Variants in DOCK9 observed in about 807,000 individuals in gnomAD.
DOCK9 encodes the protein dedicator of cytokinesis 9.
A neutral mutation model predicts 263.3 loss-of-function variants in DOCK9; 89 were observed. That is an observed-to-expected ratio of 0.34 (90% CI 0.28 to 0.40). The LOEUF (loss-of-function observed/expected upper bound fraction) is 0.40, where lower values mean the gene tolerates loss of function less well. Ranked by LOEUF, DOCK9 falls within the 10% of genes least tolerant of loss-of-function variation. The pLI is 1.00. For missense variants in DOCK9, 2,140 were observed against 2,603.4 expected (o/e 0.82, Z 3.87); for synonymous variants, 976 against 973.1 (o/e 1.00, Z -0.06).
upstream of DOCK9, among the ~76,000 whole-genome samples, chr13:98,982,748 C>CAATTTTATTTTCAATTG (rs1877504481): frequency 6.6e-6 from 1 of 152,168 alleles, no homozygotes; most frequent in African/African-American, 2.4e-5. Flanking sequence ...CTTTCAATTG[C>CAATTTTATTTTCAATTG]TTGAAAATAA....
chr13:98,881,895 G>C lies in DOCK9; in HGVS notation c.2672C>G (p.Thr891Ser). 6.4e-7 allele frequency: 1 copy of C among 1,569,544 alleles called. No homozygotes were observed. Among genetic ancestry groups the C allele is most frequent in the Non-Finnish European group, 8.6e-7 (1 of 1,156,440 alleles). ...ATQEEVAVNV[T>S]RVIIHVVAQC... ...AGCATCCATCCACCTCCCTTACCGA[G>C]TCACGTTAACCGCGACTTCTTCCTG... is the stretch of plus-strand genomic sequence containing the variant. The change falls in exon 24 of 53, where the codon ACT becomes AGT. Residue 891 changes from threonine to serine, a missense_variant. Thr to Ser is a moderately conservative substitution (Grantham distance 58). This residue lies in a region of DOCK9 where 1,521 missense variants were observed against 1,741.7 expected (regional missense o/e 0.87). Coordinates refer to ENST00000682017, the MANE Select transcript of DOCK9 (RefSeq NM_001366683.2).
intron 41 of DOCK9, among the ~76,000 whole-genome samples, 197 bp downstream of exon 41, chr13:98,831,151 C>G (rs1234223538): frequency 6.6e-6 from 1 of 152,214 alleles, no homozygotes; most frequent in Non-Finnish European, 1.5e-5. Context: ...AATTTACCAA[C>G]AGAAACGCAT....
intron 1 of DOCK9, among the ~76,000 whole-genome samples, chr13:99,057,566 A>G (rs1274555290): frequency 6.6e-6 from 1 of 152,250 alleles, no homozygotes; most frequent in African/African-American, 2.4e-5. Flanking sequence ...CCCAAATAAA[A>G]GAATAATATT....
At chr13:99,021,418 T>C (rs981941386) in intron 1 of DOCK9, among the ~76,000 whole-genome samples, 1 of 152,134 alleles carries the variant, frequency 6.6e-6, no homozygotes, top group Non-Finnish European at 1.5e-5. Context: ...GGCGGATGGA[T>C]CACGAGGTCA....
At position 98,829,558 on chromosome 13, in the gene DOCK9, T is replaced by C. The variant is rs771445903; in HGVS notation, c.4750-36A>G. 1.7e-5 allele frequency: 27 copies of C among 1,593,556 alleles called. No individual in the cohort carries two copies. The highest frequency in any genetic ancestry group is 2.1e-5 in the Non-Finnish European group (25 of 1,168,526). On this transcript the variant is annotated intron_variant, in intron 42 of 52. Transcript: ENST00000682017. This position sits in a 1 kb window ranked among gnomAD's most constrained non-coding sequence, Gnocchi z 4.1. ...GGTGGAAGAGGAAAGGACACATGGC[T>C]TCCTCTGTTTGCTGCCTGTCCACAA...
At chr13:99,017,510 TGAGATACAAAA>T (rs1885570035) in intron 1 of DOCK9, among the ~76,000 whole-genome samples, 1 of 152,194 alleles carries the variant, frequency 6.6e-6, no homozygotes, top group African/African-American at 2.4e-5. Flanking sequence ...GAATATTATT[TGAGATACAAAA>T]GATTACGTTT....
chr13:98,961,244 C>G (rs2058606211), intron 1 of DOCK9, among the ~76,000 whole-genome samples: 1 of 152,126 alleles, frequency 6.6e-6, no homozygotes, highest in Non-Finnish European at 1.5e-5. Context: ...AACTCCCTAC[C>G]AACAACAGAG....
At chr13:99,021,208 G>A (rs996543852) in intron 1 of DOCK9, among the ~76,000 whole-genome samples, 1 of 152,072 alleles carries the variant, frequency 6.6e-6, no homozygotes, top group Non-Finnish European at 1.5e-5. Flanking sequence ...AAATTAAATG[G>A]TTTTCTTCCC....
intron 7 of DOCK9, 143 bp from the exon 8 acceptor site, chr13:98,915,646 G>GCCC (rs143301762): frequency 2.8e-5 from 17 of 615,236 alleles, no homozygotes; most frequent in South Asian, 7.7e-5. Flanking sequence ...CCTCATGAAA[G>GCCC]CCCCCCCCCA....
At chr13:98,870,898 CAAAAAA>C (rs11404800) in intron 27 of DOCK9, among the ~76,000 whole-genome samples, 4 of 135,090 alleles carry the variant, frequency 3.0e-5, no homozygotes, top group Admixed American at 1.5e-4. Context: ...AATATGTTGC[CAAAAAA>C]AAAAAAAAAG....
At chr13:99,013,479 T>G (rs1884870226) in intron 1 of DOCK9, among the ~76,000 whole-genome samples, 1 of 152,206 alleles carries the variant, frequency 6.6e-6, no homozygotes, top group Non-Finnish European at 1.5e-5. Flanking sequence ...TAATTACTAT[T>G]ACTACGCTTA....
At chr13:98,834,820 T>C (rs1245828414) in intron 39 of DOCK9, among the ~76,000 whole-genome samples, 1 of 152,238 alleles carries the variant, frequency 6.6e-6, no homozygotes, top group Non-Finnish European at 1.5e-5. Context: ...CTTCTGTCTG[T>C]ATAAGAGATC....
intron 1 of DOCK9, among the ~76,000 whole-genome samples, chr13:99,085,675 T>C (rs1437788957): frequency 6.6e-6 from 1 of 152,044 alleles, no homozygotes; most frequent in Non-Finnish European, 1.5e-5. Flanking sequence ...GGATACCGGC[T>C]TGGAGGTGGG....
At chr13:98,817,048 A>G (rs1208799810) in intron 45 of DOCK9, among the ~76,000 whole-genome samples, 5 of 152,232 alleles carry the variant, frequency 3.3e-5, no homozygotes, top group Non-Finnish European at 7.3e-5. Context: ...GGTATTATAT[A>G]AGGAAGATCT....
chr13:99,009,039 A>C (rs1884002968), intron 1 of DOCK9, among the ~76,000 whole-genome samples: 1 of 152,218 alleles, frequency 6.6e-6, no homozygotes, highest in Non-Finnish European at 1.5e-5. Flanking sequence ...TTAAAACAGC[A>C]GTTGTCTCTG....
chr13:98,873,741 C>T (rs184955711), intron 27 of DOCK9, among the ~76,000 whole-genome samples: 1 of 152,346 alleles, frequency 6.6e-6, no homozygotes, highest in East Asian at 1.9e-4. Flanking sequence ...ACAGAAGCCT[C>T]TTATGAGCTT....
At chr13:98,875,758 T>C (rs1213861524) in intron 27 of DOCK9, among the ~76,000 whole-genome samples, 1 of 152,228 alleles carries the variant, frequency 6.6e-6, no homozygotes, top group Non-Finnish European at 1.5e-5. Flanking sequence ...CCTATGAAAC[T>C]AGAGTCTGGC....
chr13:98,819,832 T>C (rs1420444230), intron 45 of DOCK9, among the ~76,000 whole-genome samples: 3 of 152,226 alleles, frequency 2.0e-5, no homozygotes, highest in Non-Finnish European at 4.4e-5. Context: ...CCTGGGATAG[T>C]CTATGGATAT....
At chr13:98,952,904 A>G (rs1242094230) in intron 2 of DOCK9, among the ~76,000 whole-genome samples, 7 of 152,190 alleles carry the variant, frequency 4.6e-5, no homozygotes, top group Admixed American at 2.0e-4. Context: ...TGCTGCTGCC[A>G]TTTCCTAACC....
Sources: gnomAD v4.1 joint callset for allele counts (sites outside exome capture counted in the v4.1 genomes callset) on GRCh38, gnomAD v4.1.1 for gene constraint, gnomAD v4.1.1 regional missense constraint, Gnocchi (gnomAD v3.1) non-coding constraint, MANE v1.5 for transcripts, NCBI Gene and HGNC (gene_info 2026-07-23, HGNC 2026-07-21) for gene names.